KCNQ3: variants seen among roughly 807,000 people sequenced by gnomAD.
KCNQ3 encodes potassium voltage-gated channel subfamily KQT member 3.
A neutral mutation model predicts 92.5 loss-of-function variants in KCNQ3; 30 were observed. The ratio of observed to expected loss-of-function variants is 0.32; its 90% CI spans 0.24 to 0.44. KCNQ3 has a LOEUF of 0.44. KCNQ3 is among the 20% of genes least tolerant of loss of function. The probability of loss-of-function intolerance (pLI) is 1.00; values close to 1 mark genes in which losing one functional copy is unlikely to be tolerated. For synonymous variants in KCNQ3, 450 were observed against 468.8 expected, an observed-to-expected ratio of 0.96 and a Z score of 0.52; for missense variants, 913 against 1,140.3, an observed-to-expected ratio of 0.80 and a Z score of 2.87.
intron 1 of KCNQ3, among the ~76,000 whole-genome samples, chr8:132,191,988 G>A (rs1827176026): frequency 6.6e-6 from 1 of 152,196 alleles, no homozygotes; most frequent in African/African-American, 2.4e-5. Context: ...TGCTGCACTT[G>A]AGGTCCAAGT....
intron 1 of KCNQ3, among the ~76,000 whole-genome samples, chr8:132,387,505 T>G (rs1231698780): frequency 6.6e-6 from 1 of 152,126 alleles, no homozygotes; most frequent in African/African-American, 2.4e-5. Context: ...CTTTAAGAAG[T>G]AGAAACTCTA....
chr8:132,243,417 G>T (rs1413950279), intron 1 of KCNQ3, among the ~76,000 whole-genome samples: 1 of 152,220 alleles, frequency 6.6e-6, no homozygotes, highest in African/African-American at 2.4e-5. Context: ...AGCAGAGAAG[G>T]TGACAAGGAG....
At chr8:132,267,726 A>G (rs1381987092) in intron 1 of KCNQ3, among the ~76,000 whole-genome samples, 1 of 152,218 alleles carries the variant, frequency 6.6e-6, no homozygotes, top group East Asian at 1.9e-4. Context: ...AAATCTCCTG[A>G]ATGAAAATAT....
chr8:132,330,891 C>T (rs1818208263), intron 1 of KCNQ3, among the ~76,000 whole-genome samples: 1 of 152,240 alleles, frequency 6.6e-6, no homozygotes, highest in Non-Finnish European at 1.5e-5. Flanking sequence ...TCAGTGGCAA[C>T]TGCCGGGTCT....
At chr8:132,455,185 C>T (rs909547461) in intron 1 of KCNQ3, among the ~76,000 whole-genome samples, 1 of 152,160 alleles carries the variant, frequency 6.6e-6, no homozygotes, top group Non-Finnish European at 1.5e-5. Flanking sequence ...GGCGTGACTG[C>T]AACCTCCACC....
intron 1 of KCNQ3, among the ~76,000 whole-genome samples, chr8:132,230,782 C>T (rs1408381486): frequency 6.6e-6 from 1 of 152,134 alleles, no homozygotes; most frequent in African/African-American, 2.4e-5. Context: ...GGTTGTCTCC[C>T]ATAGTGTCAA....
intron 1 of KCNQ3, among the ~76,000 whole-genome samples, chr8:132,428,838 T>C (rs532995843): frequency 1.3e-5 from 2 of 152,206 alleles, no homozygotes; most frequent in South Asian, 2.1e-4. Flanking sequence ...GAGGTTGACA[T>C]ATGAAAAAGA....
chr8:132,384,449 A>G (rs1046491456), intron 1 of KCNQ3, among the ~76,000 whole-genome samples: 5 of 152,222 alleles, frequency 3.3e-5, no homozygotes, highest in African/African-American at 1.2e-4. Context: ...AAACAGAAGT[A>G]AAGAGGTCAT....
chr8:132,479,662 C>G (rs116489930), intron 1 of KCNQ3, among the ~76,000 whole-genome samples: 2,747 of 149,386 alleles, frequency 0.018, 32 homozygotes, highest in Non-Finnish European at 0.026. Context: ...CACACGCTCC[C>G]CACTATGGGT....
At chr8:132,406,044 C>T (rs533594966) in intron 1 of KCNQ3, among the ~76,000 whole-genome samples, 6 of 152,194 alleles carry the variant, frequency 3.9e-5, no homozygotes, top group South Asian at 2.1e-4. Context: ...ATTTTCTGTG[C>T]GACAGCTTCA....
intron 1 of KCNQ3, among the ~76,000 whole-genome samples, chr8:132,224,347 T>C (rs779015856): frequency 2.0e-5 from 3 of 152,126 alleles, no homozygotes. Flanking sequence ...GATTAATTGC[T>C]TTTTAAAATT....
At chr8:132,419,755 G>A (rs940887696) in intron 1 of KCNQ3, among the ~76,000 whole-genome samples, 11 of 152,250 alleles carry the variant, frequency 7.2e-5, no homozygotes, top group Non-Finnish European at 1.6e-4. Flanking sequence ...AGAAAACTGA[G>A]GCTCAAAAAT....
intron 1 of KCNQ3, among the ~76,000 whole-genome samples, chr8:132,252,371 T>C (rs1401585793): frequency 6.6e-6 from 1 of 152,152 alleles, no homozygotes; most frequent in Non-Finnish European, 1.5e-5. Flanking sequence ...CAGTGAGTGT[T>C]ACAGCTCTTA....
chr8:132,354,151 AC>A (rs1818950709), intron 1 of KCNQ3, among the ~76,000 whole-genome samples: 1 of 151,952 alleles, frequency 6.6e-6, no homozygotes, highest in Non-Finnish European at 1.5e-5. Context: ...CACTCACAGA[AC>A]CCCCATGTGT....
At chr8:132,356,906 G>A (rs1819033303) in intron 1 of KCNQ3, among the ~76,000 whole-genome samples, 1 of 152,166 alleles carries the variant, frequency 6.6e-6, no homozygotes, top group Admixed American at 6.5e-5. Context: ...TTCAATATGA[G>A]TTGTGAATTG....
chr8:132,455,015 A>G (rs893979757), intron 1 of KCNQ3, among the ~76,000 whole-genome samples: 17 of 130,660 alleles, frequency 1.3e-4, no homozygotes, highest in African/African-American at 4.3e-4. Flanking sequence ...GAGGCTGGGG[A>G]GAGGGGGAAG....
intron 1 of KCNQ3, among the ~76,000 whole-genome samples, chr8:132,249,274 A>T (rs957851438): frequency 3.3e-5 from 5 of 152,276 alleles, no homozygotes; most frequent in African/African-American, 1.2e-4. Flanking sequence ...CCCCACCCAC[A>T]TCCTGCCGAT....
At chr8:132,368,124 G>T (rs982583799) in intron 1 of KCNQ3, among the ~76,000 whole-genome samples, 2 of 152,174 alleles carry the variant, frequency 1.3e-5, no homozygotes, top group African/African-American at 4.8e-5. Flanking sequence ...AAGACTTTAT[G>T]TGAAATGATG....
Position 132,180,423 on chromosome 8 carries a change from C to A in KCNQ3, c.605-94G>T, listed in dbSNP as rs544941979. On this transcript the variant is annotated intron_variant, in intron 3 of 14. Transcript: ENST00000388996. ...TCATAGGTGCTGTTTGCTGGCAGAT[C>A]AGCATGTGCCAAGCAGTGGGACAAT... The A allele has an allele frequency of 1.2e-5, 16 of 1,355,116 alleles. No homozygotes were observed. The East Asian group carries it at 3.5e-4, about 29-fold the overall frequency. The allele number at this position is 1,355,116 out of a possible 1,614,324, so 83.9% of individuals were successfully genotyped here. A position where few individuals can be genotyped will look rare whatever the true frequency, so the allele number is the denominator to read the frequency against.
Sources: allele counts gnomAD v4.1 joint callset (sites outside exome capture counted in the v4.1 genomes callset), GRCh38; gene constraint gnomAD v4.1.1; transcripts MANE v1.5; gene names NCBI Gene and HGNC (gene_info 2026-07-23, HGNC 2026-07-21).